Variants in GORASP2 observed in about 807,000 individuals in gnomAD.
GORASP2 encodes the protein Golgi reassembly-stacking protein 2.
A neutral mutation model predicts 45.7 loss-of-function variants in GORASP2; 22 were observed. That is an observed-to-expected ratio of 0.48 (90% CI 0.34 to 0.69). GORASP2 has a LOEUF of 0.69. Ranked by LOEUF, GORASP2 falls within the 30% of genes least tolerant of loss-of-function variation. The pLI is 0.01. For synonymous variants in GORASP2, 221 were observed against 215.6 expected (o/e 1.02, Z -0.22); for missense variants, 491 against 562.7 (o/e 0.87, Z 1.29).
Position 170,936,464 on chromosome 2 carries a change from C to G in GORASP2, c.63+7061C>G, listed in dbSNP as rs538032646. ...TGAACTCCTGGGCTCAAGCGATCCTCTCGTCTTGGCTTCCCAAAGTGTTGG... is the reference window on the plus strand; with the variant it reads ...TGAACTCCTGGGCTCAAGCGATCCTGTCGTCTTGGCTTCCCAAAGTGTTGG... On this transcript the variant is annotated intron_variant, in intron 1 of 9. Coordinates refer to ENST00000234160, the MANE Select transcript of GORASP2 (RefSeq NM_015530.5). 7.2e-5 allele frequency among the ~76,000 whole-genome samples: 11 copies of G among 152,196 alleles called. No individual in the cohort carries two copies. In the East Asian group the frequency reaches 2.1e-3, roughly 29 times the overall value.
At chr2:170,935,455 T>C (rs943016166) in intron 1 of GORASP2, among the ~76,000 whole-genome samples, 4 of 151,954 alleles carry the variant, frequency 2.6e-5, no homozygotes, top group South Asian at 2.1e-4. Context: ...GGGTTTCACC[T>C]TATTGGCCAG....
At chr2:170,950,128 T>A (rs1704267579) in intron 3 of GORASP2, 76 bp from the exon 4 acceptor site, 1 of 712,130 alleles carries the variant, frequency 1.4e-6, no homozygotes, top group Non-Finnish European at 2.3e-6. Context: ...ATCAACATAA[T>A]TAAAAATTGG....
intron 1 of GORASP2, among the ~76,000 whole-genome samples, chr2:170,944,545 A>G (rs556046116): frequency 6.6e-6 from 1 of 152,336 alleles, no homozygotes; most frequent in South Asian, 2.1e-4. Context: ...CTATTGAATC[A>G]TTTTTGAATT....
rs761177810 is a variant in GORASP2, at chr2:170,929,311, C to A, written c.-30C>A. 42 of 1,342,916 alleles carry A rather than the reference C, an allele frequency of 3.1e-5. No individual in the cohort carries two copies. Among genetic ancestry groups the A allele is most frequent in the Non-Finnish European group, 3.9e-5 (41 of 1,048,586 alleles). 83.2% of individuals were successfully genotyped at this position (1,342,916 alleles called of 1,614,324 possible). ...GCTGGGGGCGGGAGCAGCGCGGAGC[C>A]CGGCTCGGCCACACCGATCGCCCGC... is the stretch of plus-strand genomic sequence containing the variant. On this transcript the variant is annotated 5_prime_UTR_variant, in exon 1 of 10. Transcript: ENST00000234160.
intron 6 of GORASP2, among the ~76,000 whole-genome samples, chr2:170,955,581 T>G (rs1389697494): frequency 6.6e-6 from 1 of 152,140 alleles, no homozygotes; most frequent in Non-Finnish European, 1.5e-5. Context: ...GCCACTGTGG[T>G]TTTGTCTACA....
chr2:170,966,313 G>A lies in GORASP2; in HGVS notation c.*183G>A, dbSNP rs1216240420. 5.3e-5 allele frequency: 32 copies of A among 601,564 alleles called. No individual in the cohort carries two copies. In the Admixed American group the frequency reaches 6.8e-4, roughly 13 times the overall value. The allele number at this position is 601,564 out of a possible 1,614,324, so 37.3% of individuals were successfully genotyped here. ...CTGCCAGGTTGAGTGGGGCTCACAC[G>A]CTAGGGTGAGATGTCAGAAAGCGCT... On this transcript the variant is annotated 3_prime_UTR_variant, in exon 10 of 10. Transcript: ENST00000234160.
intron 9 of GORASP2, 30 bp from the exon 10 acceptor site, chr2:170,965,760 G>C: frequency 7.0e-7 from 1 of 1,437,738 alleles, no homozygotes; most frequent in Non-Finnish European, 9.8e-7. Context: ...GTGCTGGGAG[G>C]ATGTATGATC....
chr2:170,929,694 CT>C (rs1703769622), intron 1 of GORASP2: 3 of 626,956 alleles, frequency 4.8e-6, no homozygotes, highest in Non-Finnish European at 9.1e-6. Flanking sequence ...CAACCTTGCT[CT>C]TTTTCCGCAC....
chr2:170,963,450 G>GCTGCTC (rs1553599764), intron 9 of GORASP2, among the ~76,000 whole-genome samples: 1 of 134,358 alleles, frequency 7.4e-6, no homozygotes, highest in African/African-American at 3.0e-5. Context: ...TGCTGCTGCT[G>GCTGCTC]CTCCTCCTCC....
intron 1 of GORASP2, among the ~76,000 whole-genome samples, chr2:170,945,869 C>T (rs1704171833): frequency 6.6e-6 from 1 of 152,158 alleles, no homozygotes; most frequent in Non-Finnish European, 1.5e-5. Flanking sequence ...GTATAAATAG[C>T]TGTAGCTTTG....
At chr2:170,931,802 T>A (rs982852543) in intron 1 of GORASP2, among the ~76,000 whole-genome samples, 1 of 152,242 alleles carries the variant, frequency 6.6e-6, no homozygotes, top group African/African-American at 2.4e-5. Flanking sequence ...TTCCTTTTTA[T>A]GTGTTCTGTA....
intron 4 of GORASP2, 34 bp downstream of exon 4, chr2:170,950,324 A>G: frequency 9.3e-7 from 1 of 1,073,034 alleles, no homozygotes; most frequent in Non-Finnish European, 1.4e-6. Flanking sequence ...TGAGAACTAT[A>G]TAAAATTTTC....
chr2:170,966,109 C>T lies in GORASP2; in HGVS notation c.1338C>T (p.Ala446=), dbSNP rs374314566. 6.2e-7 allele frequency: 1 copy of T among 1,612,880 alleles called. No individual in the cohort carries two copies. Among genetic ancestry groups the T allele is most frequent in the African/African-American group, 1.3e-5 (1 of 74,896 alleles). ...AGCCTGTTTCTGCGGCTGTGGATGC[C>T]AATGCTTCTGAGTCACCTTAACTTT... The part of the protein sequence containing the change: ...SEKPVSAAVD[A]NASESP Residue 446 remains alanine, a synonymous_variant, in exon 10 of 10, where the codon GCC becomes GCT. Transcript: ENST00000234160.
Position 170,949,720 on chromosome 2 carries a change from A to G in GORASP2, c.326A>G (p.Asn109Ser), listed in dbSNP as rs1257835255. The G allele has an allele frequency of 1.2e-6, 2 of 1,613,692 alleles. No individual in the cohort carries two copies. The highest frequency in any genetic ancestry group is 1.3e-5 in the African/African-American group (1 of 74,930). ...SIRFCSFDGA[N>S]ENVWHVLEVE... ...CGTTTCTGCAGCTTTGATGGGGCAA[A>G]TGAAAATGTTTGGCATGTGCTGGTA... Residue 109 changes from asparagine (N) to serine (S), a missense_variant, in exon 3 of 10, where the codon AAT becomes AGT. Coordinates refer to ENST00000234160, the MANE Select transcript of GORASP2 (RefSeq NM_015530.5).
intron 1 of GORASP2, among the ~76,000 whole-genome samples, chr2:170,940,757 T>C (rs1405941742): frequency 6.6e-6 from 1 of 152,170 alleles, no homozygotes; most frequent in Non-Finnish European, 1.5e-5. Flanking sequence ...TATTTTCCAT[T>C]GCAACCAGTA....
chr2:170,947,941 C>T (rs1014301465), intron 1 of GORASP2, among the ~76,000 whole-genome samples: 1 of 151,868 alleles, frequency 6.6e-6, no homozygotes, highest in Non-Finnish European at 1.5e-5. Flanking sequence ...GGCAATAAGG[C>T]GAAACCCTGT....
intron 4 of GORASP2, 129 bp from the exon 5 acceptor site, chr2:170,951,199 T>C: frequency 1.6e-6 from 1 of 642,064 alleles, no homozygotes. Flanking sequence ...GTGATTTTTA[T>C]GTCTGGGGCA....
At chr2:170,947,417 T>C (rs951334649) in intron 1 of GORASP2, among the ~76,000 whole-genome samples, 15 of 152,228 alleles carry the variant, frequency 9.9e-5, no homozygotes, top group Non-Finnish European at 1.6e-4. Flanking sequence ...ATCTTTACCT[T>C]TGAATGTTCT....
chr2:170,950,006 T>G, intron 3 of GORASP2, 198 bp from the exon 4 acceptor site: 2 of 523,052 alleles, frequency 3.8e-6, no homozygotes, highest in Non-Finnish European at 6.8e-6. Flanking sequence ...AAAAATATTT[T>G]AAATATTTGT....
Sources: gnomAD v4.1 joint callset for allele counts (sites outside exome capture counted in the v4.1 genomes callset) on GRCh38, gnomAD v4.1.1 for gene constraint, MANE v1.5 for transcripts, NCBI Gene and HGNC (gene_info 2026-07-23, HGNC 2026-07-21) for gene names.